The following TFPI variants were observed in gnomAD, a reference collection of about 807,000 sequenced individuals.
TFPI encodes the protein tissue factor pathway inhibitor.
A neutral mutation model predicts 34.6 loss-of-function variants in TFPI; 15 were observed. The observed-to-expected ratio is 0.43, with a 90% CI of 0.29 to 0.67. The LOEUF is 0.67. TFPI is among the 30% of genes least tolerant of loss of function. The pLI is 0.15. For synonymous variants in TFPI, 105 were observed against 120.1 expected, an observed-to-expected ratio of 0.87 and a Z score of 0.82; for missense variants, 301 against 364.0, an observed-to-expected ratio of 0.83 and a Z score of 1.41.
In TFPI at chr2:187,466,971, T is replaced by C. The variant is rs1180247868; in HGVS notation, c.880A>G (p.Ile294Val). The change falls in exon 8 of 8, where the codon ATA becomes GTA. Residue 294 changes from isoleucine (I) to valine (V), a missense_variant. Transcript: ENST00000233156. Reference protein sequence around the residue: ...KRKRKKQRVKIAYEEIFVKNM With the variant: ...KRKRKKQRVKVAYEEIFVKNM ...TTAACAAAAATTTCTTCATATGCTA[T>C]TTTCACTCTCTGCTTCTTTCTTTTT... 3.8e-6 allele frequency: 6 copies of C among 1,587,352 alleles called. No individual in the cohort carries two copies. Among genetic ancestry groups the C allele is most frequent in the African/African-American group, 1.3e-5 (1 of 74,150 alleles).
intron 1 of TFPI, among the ~76,000 whole-genome samples, chr2:187,540,308 CAT>C (rs1688508895): frequency 6.6e-6 from 1 of 152,168 alleles, no homozygotes; most frequent in Admixed American, 6.5e-5. Context: ...ATGGAAAAAA[CAT>C]AGTGTGTCAA....
At chr2:187,505,622 T>G (rs568576577) in intron 1 of TFPI, among the ~76,000 whole-genome samples, 5 of 152,258 alleles carry the variant, frequency 3.3e-5, no homozygotes, top group Admixed American at 1.3e-4. Context: ...CTTAAGAGTT[T>G]TTCAATCAAA....
intron 2 of TFPI, 64 bp downstream of exon 2, chr2:187,503,583 GA>G: frequency 6.4e-7 from 1 of 1,555,758 alleles, no homozygotes; most frequent in African/African-American, 1.4e-5. Flanking sequence ...AACTATGGTA[GA>G]TTTTTTAGAT....
intron 1 of TFPI, among the ~76,000 whole-genome samples, chr2:187,553,644 ACCTTTGGTCTTTG>A (rs1689173161): frequency 1.3e-5 from 2 of 152,152 alleles, no homozygotes; most frequent in African/African-American, 4.8e-5. Context: ...TCAGAATATG[ACCTTTGGTCTTTG>A]GAGAATTGTA....
At chr2:187,511,414 A>G (rs1053826627) in intron 1 of TFPI, among the ~76,000 whole-genome samples, 1 of 152,130 alleles carries the variant, frequency 6.6e-6, no homozygotes, top group Non-Finnish European at 1.5e-5. Flanking sequence ...GTAAACTGTG[A>G]AAGTGTCTGT....
At chr2:187,552,909 G>A (rs1689144052) in intron 1 of TFPI, among the ~76,000 whole-genome samples, 1 of 151,874 alleles carries the variant, frequency 6.6e-6, no homozygotes, top group African/African-American at 2.4e-5. Flanking sequence ...TACTTGATTA[G>A]TTATCTGTAT....
intron 6 of TFPI, among the ~76,000 whole-genome samples, chr2:187,477,034 G>T (rs1270770730): frequency 6.6e-6 from 1 of 152,040 alleles, no homozygotes; most frequent in Non-Finnish European, 1.5e-5. Context: ...TCCTTTTAAA[G>T]ATATCTATAT....
At chr2:187,542,241 G>T (rs1268253992) in intron 1 of TFPI, among the ~76,000 whole-genome samples, 1 of 151,866 alleles carries the variant, frequency 6.6e-6, no homozygotes, top group Non-Finnish European at 1.5e-5. Context: ...GTTTAACTGT[G>T]GGCTGAATAA....
At chr2:187,553,075 T>C (rs1004107837) in intron 1 of TFPI, among the ~76,000 whole-genome samples, 1 of 152,064 alleles carries the variant, frequency 6.6e-6, no homozygotes, top group Admixed American at 6.6e-5. Context: ...CACTGTATAT[T>C]GAAATAATCA....
rs1691659858 is a variant in TFPI, at chr2:187,465,289, G to C, written c.*1647C>G. ...GGAGGCTGGGGCTGGAAGATTGCTT[G>C]AGCCCAGGTGTTCAAGACAAGCCTA... On this transcript the variant is annotated 3_prime_UTR_variant, in exon 8 of 8. Transcript: ENST00000233156. 1 of 151,984 alleles carries C rather than the reference G, an allele frequency of 6.6e-6. No homozygotes were observed. The highest frequency in any genetic ancestry group is 2.4e-5 in the African/African-American group (1 of 41,352). The allele number at this position is 151,984 out of a possible 1,614,324, so 9.4% of individuals were successfully genotyped here.
At chr2:187,474,764 TATAGAA>T (rs1332047677) in intron 6 of TFPI, among the ~76,000 whole-genome samples, 1 of 152,186 alleles carries the variant, frequency 6.6e-6, no homozygotes, top group Non-Finnish European at 1.5e-5. Flanking sequence ...TATGAAACAT[TATAGAA>T]TAAATTCTAC....
At chr2:187,521,312 A>G (rs1314129776) in intron 1 of TFPI, among the ~76,000 whole-genome samples, 1 of 152,132 alleles carries the variant, frequency 6.6e-6, no homozygotes, top group Non-Finnish European at 1.5e-5. Context: ...GTATATATGT[A>G]TATACCACAT....
chr2:187,484,171 A>G lies in TFPI; in HGVS notation c.581T>C (p.Val194Ala). Residue 194 changes from valine (V) to alanine (A), a missense_variant, in exon 6 of 8, where the codon GTG becomes GCG. Physicochemically the swap from Val to Ala is moderately conservative, Grantham distance 64 (BLOSUM62 0). Transcript: ENST00000233156. ...VDNYGTQLNA[V>A]NNSLTPQSTK... Reference sequence around the variant, plus strand: ...TGATTGCGGAGTCAGGGAGTTATTCACAGCATTGAGCTGGGTTCCATAATT... The same window carrying G: ...TGATTGCGGAGTCAGGGAGTTATTCGCAGCATTGAGCTGGGTTCCATAATT... 6.2e-7 allele frequency: 1 copy of G among 1,612,470 alleles called. No individual in the cohort carries two copies. The highest frequency in any genetic ancestry group is 1.1e-5 in the South Asian group (1 of 91,014).
chr2:187,480,669 TTTCAG>T (rs1418044939), intron 6 of TFPI, among the ~76,000 whole-genome samples: 1 of 152,126 alleles, frequency 6.6e-6, no homozygotes, highest in African/African-American at 2.4e-5. Flanking sequence ...TTTAGAAATA[TTTCAG>T]GTGGAGAGAA....
At chr2:187,525,325 C>T (rs1329526663) in intron 1 of TFPI, among the ~76,000 whole-genome samples, 1 of 152,076 alleles carries the variant, frequency 6.6e-6, no homozygotes, top group African/African-American at 2.4e-5. Flanking sequence ...GCTGACTTCC[C>T]AATAATTACT....
intron 1 of TFPI, among the ~76,000 whole-genome samples, chr2:187,539,064 TTTG>T (rs1688426477): frequency 7.1e-6 from 1 of 140,082 alleles, no homozygotes; most frequent in Admixed American, 7.6e-5. Flanking sequence ...TGTTTATTTA[TTTG>T]TACCTTTGCC....
intron 1 of TFPI, chr2:187,526,874 CA>C (rs997271856): frequency 1.3e-5 from 2 of 151,832 alleles, no homozygotes; most frequent in African/African-American, 4.8e-5. Context: ...ACCTGACAAC[CA>C]GAAAAGAAAA....
intron 6 of TFPI, among the ~76,000 whole-genome samples, chr2:187,468,883 T>C (rs1691872727): frequency 1.3e-5 from 2 of 152,010 alleles, no homozygotes; most frequent in South Asian, 4.1e-4. Context: ...TTAATGGCTT[T>C]GTCAAATGGT....
intron 1 of TFPI, among the ~76,000 whole-genome samples, chr2:187,509,504 A>G (rs891358453): frequency 3.3e-5 from 5 of 152,150 alleles, no homozygotes; most frequent in African/African-American, 4.8e-5. Context: ...CAGGGATTCA[A>G]CTTCTTCCTG....
Sources: gnomAD v4.1 joint callset for allele counts (sites outside exome capture counted in the v4.1 genomes callset) on GRCh38, gnomAD v4.1.1 for gene constraint, MANE v1.5 for transcripts, NCBI Gene and HGNC (gene_info 2026-07-23, HGNC 2026-07-21) for gene names.